The following PLCL1 variants were observed in gnomAD, a reference collection of about 807,000 sequenced individuals.
The protein encoded by PLCL1 is phospholipase C like 1 (inactive), also known as inactive phospholipase C-like protein 1.
In PLCL1, 41 loss-of-function variants were observed where a neutral mutation model predicts 84.4. The observed-to-expected ratio is 0.49, with a 90% CI of 0.38 to 0.63. The LOEUF is 0.63. Among genes scored for constraint, PLCL1 ranks in the 30% least tolerant of loss-of-function variants. PLCL1 has a pLI of 0.00. For synonymous variants in PLCL1, 490 were observed against 488.3 expected (o/e 1.00, Z -0.05); for missense variants, 1,206 against 1,367.8 (o/e 0.88, Z 1.87).
chr2:197,973,244 C>T (rs533128875), intron 1 of PLCL1, among the ~76,000 whole-genome samples: 5 of 152,216 alleles, frequency 3.3e-5, no homozygotes, highest in South Asian at 2.1e-4. Flanking sequence ...CTTTGCTTGG[C>T]GACTGCTTAC....
intron 1 of PLCL1, among the ~76,000 whole-genome samples, chr2:198,017,939 G>C (rs1304853068): frequency 6.6e-6 from 1 of 152,142 alleles, no homozygotes; most frequent in Non-Finnish European, 1.5e-5. Flanking sequence ...TGGCTCCCAG[G>C]CAAGATGGCT....
At chr2:198,144,800 C>T (rs545916343) in intron 5 of PLCL1, among the ~76,000 whole-genome samples, 12 of 152,214 alleles carry the variant, frequency 7.9e-5, no homozygotes, top group Non-Finnish European at 1.2e-4. Flanking sequence ...TTTTTATCTG[C>T]GTTGCTTCCA....
intron 1 of PLCL1, among the ~76,000 whole-genome samples, chr2:197,926,752 A>G (rs1469096892): frequency 1.3e-5 from 2 of 152,204 alleles, no homozygotes; most frequent in African/African-American, 4.8e-5. Flanking sequence ...CTGCAAAACA[A>G]GCCACCCAAA....
At chr2:197,888,752 T>C (rs190870404) in intron 1 of PLCL1, among the ~76,000 whole-genome samples, 19 of 152,308 alleles carry the variant, frequency 1.2e-4, no homozygotes, top group Admixed American at 9.2e-4. Flanking sequence ...ACAAAACTAA[T>C]TTTTATATTT....
intron 1 of PLCL1, among the ~76,000 whole-genome samples, chr2:197,906,490 T>C (rs1172298984): frequency 3.3e-5 from 5 of 152,210 alleles, no homozygotes; most frequent in African/African-American, 1.2e-4. Flanking sequence ...TGAAGTCAGG[T>C]AGCATGATGC....
chr2:198,053,677 T>C (rs1179687259), intron 1 of PLCL1, among the ~76,000 whole-genome samples: 1 of 152,196 alleles, frequency 6.6e-6, no homozygotes. Context: ...AATCTAGCTG[T>C]GAGCTGCAGT....
rs765530130 is a variant in PLCL1 at position 198,084,205 on chromosome 2, G to A, written c.688G>A (p.Asp230Asn). 10 of 1,613,990 alleles carry A rather than the reference G, an allele frequency of 6.2e-6. No individual in the cohort carries two copies. Among genetic ancestry groups the A allele is most frequent in the Middle Eastern group, 3.3e-4 (2 of 6,084 alleles). Residue 230 changes from aspartate (D) to asparagine (N), a missense_variant, in exon 2 of 6, where the codon GAT becomes AAT. Coordinates refer to ENST00000428675, the MANE Select transcript of PLCL1 (RefSeq NM_006226.4). ...YLVSRSKQPL[D>N]FMEGNQNTPR... Reference sequence around the variant, plus strand: ...GGTTTCTCGAAGTAAGCAGCCTCTTGATTTTATGGAGGGCAACCAGAACAC... The same window carrying A: ...GGTTTCTCGAAGTAAGCAGCCTCTTAATTTTATGGAGGGCAACCAGAACAC...
intron 1 of PLCL1, among the ~76,000 whole-genome samples, chr2:197,935,137 G>A (rs1196010322): frequency 6.6e-6 from 1 of 152,146 alleles, no homozygotes; most frequent in African/African-American, 2.4e-5. Flanking sequence ...GAAATAACAG[G>A]TCCTGGTGAG....
At chr2:198,117,327 GTTTTTTTTTTCT>G (rs1376224192) in intron 5 of PLCL1, among the ~76,000 whole-genome samples, 1 of 93,412 alleles carries the variant, frequency 1.1e-5, no homozygotes, top group Non-Finnish European at 2.2e-5. Flanking sequence ...GTCATTTTCT[GTTTTTTTTTTCT>G]TTTTTTTTTT....
chr2:197,851,617 G>A (rs1687239831), intron 1 of PLCL1, among the ~76,000 whole-genome samples: 1 of 152,198 alleles, frequency 6.6e-6, no homozygotes, highest in Non-Finnish European at 1.5e-5. Context: ...GAAGAGACAG[G>A]AACTGGGGAA....
At chr2:198,125,872 G>A (rs1054042891) in intron 5 of PLCL1, among the ~76,000 whole-genome samples, 2 of 152,204 alleles carry the variant, frequency 1.3e-5, no homozygotes, top group East Asian at 1.9e-4. Context: ...TGGGCCATGG[G>A]ATCCTCCTAG....
At chr2:197,930,815 A>G (rs779191549) in intron 1 of PLCL1, among the ~76,000 whole-genome samples, 1 of 152,190 alleles carries the variant, frequency 6.6e-6, no homozygotes, top group Admixed American at 6.5e-5. Context: ...AACTCACAAA[A>G]GTTCCCACAT....
chr2:197,930,811 C>T (rs1688915725), intron 1 of PLCL1, among the ~76,000 whole-genome samples: 1 of 152,184 alleles, frequency 6.6e-6, no homozygotes, highest in Admixed American at 6.5e-5. Flanking sequence ...TTTTAACTCA[C>T]AAAAGTTCCC....
intron 1 of PLCL1, among the ~76,000 whole-genome samples, chr2:197,896,776 A>G (rs544848732): frequency 1.3e-5 from 2 of 151,978 alleles, no homozygotes; most frequent in Admixed American, 6.5e-5. Flanking sequence ...CTTTCCTTTC[A>G]TTGGTGGCTT....
chr2:198,102,620 G>A (rs1040230687), intron 4 of PLCL1, among the ~76,000 whole-genome samples: 4 of 152,218 alleles, frequency 2.6e-5, no homozygotes, highest in Admixed American at 1.3e-4. Context: ...ACTGGGCAAT[G>A]CAGTGGCCTT....
chr2:197,972,178 C>T (rs776610090), intron 1 of PLCL1, among the ~76,000 whole-genome samples: 1 of 152,170 alleles, frequency 6.6e-6, no homozygotes, highest in Non-Finnish European at 1.5e-5. Context: ...GGGAATTATG[C>T]CATGAGGGCA....
intron 5 of PLCL1, among the ~76,000 whole-genome samples, chr2:198,126,438 A>G: frequency 6.6e-6 from 1 of 152,140 alleles, no homozygotes; most frequent in Non-Finnish European, 1.5e-5. Context: ...AGAAAATGAG[A>G]AAAGATGGAA....
intron 3 of PLCL1, among the ~76,000 whole-genome samples, chr2:198,089,312 T>TA (rs1366235767): frequency 6.6e-6 from 1 of 152,168 alleles, no homozygotes; most frequent in Non-Finnish European, 1.5e-5. Context: ...AATGAATTAT[T>TA]AAAAAACCCT....
chr2:198,104,307 C>T (rs1053071725), intron 5 of PLCL1, among the ~76,000 whole-genome samples: 4 of 151,944 alleles, frequency 2.6e-5, no homozygotes, highest in African/African-American at 9.7e-5. Context: ...TTTTCTGTTT[C>T]TGCATTAGTT....
Sources: gnomAD v4.1 joint callset for allele counts (sites outside exome capture counted in the v4.1 genomes callset) on GRCh38, gnomAD v4.1.1 for gene constraint, MANE v1.5 for transcripts, NCBI Gene and HGNC (gene_info 2026-07-23, HGNC 2026-07-21) for gene names.